The following TMC1 variants were observed in gnomAD, a reference collection of about 807,000 sequenced individuals.
TMC1 encodes the protein transmembrane channel like 1.
A neutral mutation model predicts 105.8 loss-of-function variants in TMC1; 84 were observed. The observed-to-expected ratio is 0.79, with a 90% CI of 0.67 to 0.95. The LOEUF is 0.95. TMC1 is among the 40% of genes least tolerant of loss of function. The probability of loss-of-function intolerance (pLI) is 0.00; values close to 1 mark genes in which losing one functional copy is unlikely to be tolerated. For missense variants in TMC1, 817 were observed against 914.1 expected (o/e 0.89, Z 1.37); for synonymous variants, 315 against 311.5 (o/e 1.01, Z -0.12).
At position 72,835,938 on chromosome 9, in the gene TMC1, G is replaced by GTT; in HGVS notation, c.2261-10_2261-9dup. On this transcript the variant is annotated splice_polypyrimidine_tract_variant and intron_variant, in intron 23 of 23. Transcript: ENST00000297784. ...TTGTTTTTTTTTTTTTTTTTTTTCT[G>GTT]TTTTGTGAACAGCTGCAGCTGCTGG... 1.1e-5 allele frequency: 8 copies of GTT among 738,332 alleles called. No homozygotes were observed. The highest frequency in any genetic ancestry group is 3.6e-5 in the Admixed American group (1 of 28,034). The allele number at this position is 738,332 out of a possible 1,614,324, so 45.7% of individuals were successfully genotyped here.
At chr9:72,823,339 T>C (rs1262983033) in intron 20 of TMC1, among the ~76,000 whole-genome samples, 1 of 152,180 alleles carries the variant, frequency 6.6e-6, no homozygotes, top group Non-Finnish European at 1.5e-5. Flanking sequence ...GTCATCTTTA[T>C]GAACCCCAAG....
intron 8 of TMC1, among the ~76,000 whole-genome samples, chr9:72,722,926 G>C (rs1312107832): frequency 6.6e-6 from 1 of 152,162 alleles, no homozygotes; most frequent in Non-Finnish European, 1.5e-5. Flanking sequence ...TTTTGTGTGA[G>C]CCAGCATAAG....
chr9:72,576,570 G>A (rs989486676), intron 1 of TMC1, among the ~76,000 whole-genome samples: 1 of 151,440 alleles, frequency 6.6e-6, no homozygotes, highest in African/African-American at 2.4e-5. Flanking sequence ...CCAATGCCAA[G>A]GGATGGCTTG....
intron 20 of TMC1, among the ~76,000 whole-genome samples, chr9:72,821,746 T>C (rs954392856): frequency 1.3e-5 from 2 of 152,206 alleles, no homozygotes; most frequent in African/African-American, 4.8e-5. Context: ...TGCCTGACTC[T>C]GGGCCGTCAC....
chr9:72,728,686 A>G (rs982578949), intron 8 of TMC1, among the ~76,000 whole-genome samples: 2 of 152,108 alleles, frequency 1.3e-5, no homozygotes, highest in Non-Finnish European at 2.9e-5. Context: ...TCTGTGAGGA[A>G]AACACAGTTT....
chr9:72,574,185 T>C (rs1295662155), intron 1 of TMC1, among the ~76,000 whole-genome samples: 1 of 152,222 alleles, frequency 6.6e-6, no homozygotes, highest in Non-Finnish European at 1.5e-5. Context: ...ATGCTCCATA[T>C]GGATATTCTT....
chr9:72,712,063 A>G (rs1695114682), intron 8 of TMC1, among the ~76,000 whole-genome samples: 1 of 152,154 alleles, frequency 6.6e-6, no homozygotes, highest in African/African-American at 2.4e-5. Flanking sequence ...AGGTTTGTCA[A>G]AGATCAGATG....
intron 8 of TMC1, among the ~76,000 whole-genome samples, chr9:72,732,971 A>G (rs1827238640): frequency 6.6e-6 from 1 of 152,134 alleles, no homozygotes; most frequent in South Asian, 2.1e-4. Flanking sequence ...AAGTCAGGAA[A>G]CTGGATCAAA....
chr9:72,725,388 C>T (rs569160148), intron 8 of TMC1, among the ~76,000 whole-genome samples: 8 of 123,930 alleles, frequency 6.5e-5, no homozygotes, highest in African/African-American at 1.4e-4. Context: ...CACACACATG[C>T]GTACATATAT....
intron 10 of TMC1, among the ~76,000 whole-genome samples, chr9:72,744,448 C>T (rs1429731780): frequency 6.6e-6 from 1 of 152,148 alleles, no homozygotes; most frequent in African/African-American, 2.4e-5. Context: ...AAAGAGAAGA[C>T]ATCATGGATT....
At chr9:72,820,763 A>G in intron 19 of TMC1, 79 bp from the exon 20 acceptor site, 1 of 1,570,310 alleles carries the variant, frequency 6.4e-7, no homozygotes, top group East Asian at 2.2e-5. Flanking sequence ...AAGAAGCATG[A>G]TGTCAAATAA....
chr9:72,546,659 T>C (rs982893177), intron 1 of TMC1, among the ~76,000 whole-genome samples: 1 of 152,230 alleles, frequency 6.6e-6, no homozygotes, highest in African/African-American at 2.4e-5. Flanking sequence ...ACACAAAATT[T>C]TAAAGACTGA....
At chr9:72,620,371 A>G (rs1825225123) in intron 3 of TMC1, among the ~76,000 whole-genome samples, 1 of 152,040 alleles carries the variant, frequency 6.6e-6, no homozygotes, top group Non-Finnish European at 1.5e-5. Context: ...CCTCCTGAGT[A>G]GCCGGGACTA....
At chr9:72,637,049 C>CTT (rs113347334) in intron 4 of TMC1, among the ~76,000 whole-genome samples, 8 of 142,742 alleles carry the variant, frequency 5.6e-5, no homozygotes, top group Admixed American at 7.1e-5. Context: ...TGAGTTTTTC[C>CTT]TTTTTTTTTT....
In TMC1 at chr9:72,598,706, A is replaced by G. The variant is rs776181914; in HGVS notation, c.-305-17662A>G. Among the ~76,000 whole-genome samples the G allele has an allele frequency of 3.8e-4, 58 of 152,302 alleles. No individual in the cohort carries two copies. The Middle Eastern group carries it at 0.024, about 63-fold the overall frequency. The stretch of plus-strand genomic sequence containing the variant: ...TTCACAGTCTTTATCAGTGAACCAT[A>G]GTAAAGGGGGACCAGAAGAGAAAAA... On this transcript the variant is annotated intron_variant, in intron 2 of 23. Transcript: ENST00000297784.
chr9:72,572,992 AAAAAT>A (rs546567137), intron 1 of TMC1, among the ~76,000 whole-genome samples: 6 of 152,182 alleles, frequency 3.9e-5, no homozygotes, highest in Non-Finnish European at 7.3e-5. Flanking sequence ...ACTCTGTCTC[AAAAAT>A]AAAATAAAAT....
intron 2 of TMC1, among the ~76,000 whole-genome samples, chr9:72,609,410 C>T (rs1369442855): frequency 1.3e-5 from 2 of 151,780 alleles, no homozygotes; most frequent in African/African-American, 4.8e-5. Context: ...ATGGTGGCAC[C>T]GCACCTGTAG....
chr9:72,814,206 G>C (rs960291445), intron 18 of TMC1, among the ~76,000 whole-genome samples: 1 of 152,134 alleles, frequency 6.6e-6, no homozygotes, highest in Non-Finnish European at 1.5e-5. Context: ...ACAGAGAAAG[G>C]CTGTTCCAAG....
At chr9:72,677,898 A>T (rs941991453) in intron 5 of TMC1, among the ~76,000 whole-genome samples, 11 of 152,146 alleles carry the variant, frequency 7.2e-5, no homozygotes, top group African/African-American at 2.2e-4. Context: ...AGCCTGATGA[A>T]TAAAGTGTGG....
Sources: gnomAD v4.1 joint callset for allele counts (sites outside exome capture counted in the v4.1 genomes callset) on GRCh38, gnomAD v4.1.1 for gene constraint, MANE v1.5 for transcripts, NCBI Gene and HGNC (gene_info 2026-07-23, HGNC 2026-07-21) for gene names.